The following PCDHGA3 variants were observed in gnomAD, a reference collection of about 807,000 sequenced individuals.
PCDHGA3 encodes the protein protocadherin gamma subfamily A, 3, also known as protocadherin gamma-A3.
A neutral mutation model predicts 58.5 loss-of-function variants in PCDHGA3; 40 were observed. The ratio of observed to expected loss-of-function variants is 0.68; its 90% CI spans 0.53 to 0.89. The LOEUF is 0.89. Among genes scored for constraint, PCDHGA3 ranks in the 40% least tolerant of loss-of-function variants. The probability of loss-of-function intolerance (pLI) is 0.00; values close to 1 mark genes in which losing one functional copy is unlikely to be tolerated. For synonymous variants in PCDHGA3, 530 were observed against 525.7 expected (o/e 1.01, Z -0.11); for missense variants, 1,223 against 1,195.9 (o/e 1.02, Z -0.33).
intron 1 of PCDHGA3, chr5:141,423,577 G>A (rs1348410879): frequency 6.2e-7 from 1 of 1,613,478 alleles, no homozygotes; most frequent in Non-Finnish European, 8.5e-7. Context: ...CATCAGCCAG[G>A]AGAGCTGTGA....
intron 1 of PCDHGA3, chr5:141,408,246 A>C: frequency 6.3e-7 from 1 of 1,590,754 alleles, no homozygotes; most frequent in Non-Finnish European, 8.6e-7. Flanking sequence ...GGCCCGCGGC[A>C]GGTGCTATTT....
chr5:141,344,402 T>G lies in PCDHGA3; in HGVS notation c.369T>G (p.Ile123Met). 3 of 1,611,464 alleles carry G rather than the reference T, an allele frequency of 1.9e-6. No individual in the cohort carries two copies. Among genetic ancestry groups the G allele is most frequent in the Non-Finnish European group, 2.5e-6 (3 of 1,178,700 alleles). The change falls in exon 1 of 4, where the codon ATT becomes ATG. Residue 123 changes from isoleucine to methionine, a missense_variant. Ile to Met is a conservative substitution (Grantham distance 10, BLOSUM62 1). This residue lies in a region of PCDHGA3 where 791 missense variants were observed against 708.5 expected (regional missense o/e 1.12). Coordinates refer to ENST00000253812, the MANE Select transcript of PCDHGA3 (RefSeq NM_018916.4). ...AAATTTTTGAAGTAGAAATAGAAAT[T>G]AAAGATATTAATGATAATGCTCCTA... ...KLKIFEVEIE[I>M]KDINDNAPNF...
rs764313049 is a variant in PCDHGA3, at chr5:141,418,041, T to G, written c.2424+71584T>G. 36 of 1,613,976 alleles carry G rather than the reference T, an allele frequency of 2.2e-5. No homozygotes were observed. In the Admixed American group the frequency reaches 2.3e-4, roughly 10 times the overall value. On this transcript the variant is annotated intron_variant, in intron 1 of 3. Coordinates refer to ENST00000253812, the MANE Select transcript of PCDHGA3 (RefSeq NM_018916.4). Reference sequence around the variant, plus strand: ...GATCTAGGGCTTAGTGTCCTGGATGTGTCGGCTCGCGAGCTGCGAGTGAGC... The same window carrying G: ...GATCTAGGGCTTAGTGTCCTGGATGGGTCGGCTCGCGAGCTGCGAGTGAGC...
chr5:141,494,996 C>A (rs2099758091), intron 2 of PCDHGA3, 131 bp downstream of exon 2: 2 of 1,539,742 alleles, frequency 1.3e-6, no homozygotes, highest in African/African-American at 1.4e-5. Context: ...CCAGGGAGGT[C>A]TTGGTGTGCG....
chr5:141,486,138 C>T lies in PCDHGA3; in HGVS notation c.2425-8669C>T. On this transcript the variant is annotated intron_variant, in intron 1 of 3. Transcript: ENST00000253812. This position sits in a 1 kb window ranked among gnomAD's most constrained non-coding sequence, Gnocchi z 5.0. ...AATTACTATGAATTTGATGTGCGGG[C>T]TCGCGATGGGGGTTCTCCAGCCATG... The T allele has an allele frequency of 6.2e-7, 1 of 1,614,212 alleles. No individual in the cohort carries two copies. The highest frequency in any genetic ancestry group is 1.3e-5 in the African/African-American group (1 of 75,052).
intron 1 of PCDHGA3, chr5:141,392,908 G>T: frequency 1.2e-6 from 2 of 1,613,852 alleles, no homozygotes; most frequent in African/African-American, 1.3e-5. Context: ...GGACAGATTC[G>T]CTACTCTGTG....
chr5:141,345,597 T>C lies in PCDHGA3; in HGVS notation c.1564T>C (p.Tyr522His), dbSNP rs769804193. ...GVLYALRSFD[Y>H]EQFRDLKLLV... is the part of the protein sequence containing the mutation. ...CCTATACGCGCTGAGATCCTTCGAC[T>C]ACGAGCAATTTAGAGACTTAAAGCT... The change falls in exon 1 of 4, where the codon TAC becomes CAC. Residue 522 changes from tyrosine to histidine, a missense_variant. By Grantham distance (83) the Tyr-to-His change is moderately conservative. Coordinates refer to ENST00000253812, the MANE Select transcript of PCDHGA3 (RefSeq NM_018916.4). The C allele has an allele frequency of 1.8e-5, 29 of 1,614,076 alleles. No homozygotes were observed. The highest frequency in any genetic ancestry group is 2.4e-5 in the Non-Finnish European group (28 of 1,180,052).
intron 1 of PCDHGA3, chr5:141,362,464 G>T: frequency 1.9e-6 from 3 of 1,614,038 alleles, no homozygotes; most frequent in Middle Eastern, 3.3e-4. Context: ...ATTGGTTCCC[G>T]CGCAAGATCT....
chr5:141,509,830 T>A (rs1328716142), intron 3 of PCDHGA3, among the ~76,000 whole-genome samples: 1 of 152,204 alleles, frequency 6.6e-6, no homozygotes, highest in African/African-American at 2.4e-5. Flanking sequence ...ATCTTCTCTC[T>A]ACCTCCCATT....
At chr5:141,481,844 G>A (rs552753850) in intron 1 of PCDHGA3, among the ~76,000 whole-genome samples, 7 of 151,350 alleles carry the variant, frequency 4.6e-5, no homozygotes, top group Admixed American at 1.3e-4. Context: ...TCGCTTGATG[G>A]TGGAGGTTGC....
rs1394234849 is a variant in PCDHGA3 at position 141,415,739 on chromosome 5, GGTTT to G, written c.2424+69283_2424+69286del. The G allele has an allele frequency of 1.9e-3, 837 of 434,806 alleles. 9 individuals are homozygous for G. In the African/African-American group the frequency reaches 0.026, roughly 14 times the overall value. The allele number at this position is 434,806 out of a possible 1,614,324, so 26.9% of individuals were successfully genotyped here. A position where few individuals can be genotyped will look rare whatever the true frequency, so the allele number is the denominator to read the frequency against. On this transcript the variant is annotated intron_variant, in intron 1 of 3. Coordinates refer to ENST00000253812, the MANE Select transcript of PCDHGA3 (RefSeq NM_018916.4). ...ATGAGTAGAATTTGATGTTTATTAAGGTTTTTTTTTTTTTTTTTTTTTTTTTTTT... is the reference window on the plus strand; with the variant it reads ...ATGAGTAGAATTTGATGTTTATTAAGTTTTTTTTTTTTTTTTTTTTTTTTT...
At chr5:141,494,755 C>T (rs1246224213) in intron 1 of PCDHGA3, 52 bp from the exon 2 acceptor site, 18 of 1,613,724 alleles carry the variant, frequency 1.1e-5, no homozygotes, top group African/African-American at 1.3e-5. Context: ...GCTCGGGTGA[C>T]ATTCTAACTT....
intron 1 of PCDHGA3, among the ~76,000 whole-genome samples, chr5:141,381,166 C>A (rs1402987548): frequency 6.6e-6 from 1 of 152,204 alleles, no homozygotes; most frequent in Non-Finnish European, 1.5e-5. Context: ...ACTTAGGAGC[C>A]TCCCACAAAA....
Position 141,489,652 on chromosome 5 carries a change from C to T in PCDHGA3, c.2425-5155C>T, listed in dbSNP as rs767143028. The T allele has an allele frequency of 3.1e-6, 5 of 1,614,024 alleles. No individual in the cohort carries two copies. Among genetic ancestry groups the T allele is most frequent in the Non-Finnish European group, 4.2e-6 (5 of 1,180,026 alleles). ...CTCTCCTAGCTTTGCCACCCCTGAG[C>T]GAGAGATGCGCATCTCAGAATCAGC... On this transcript the variant is annotated intron_variant, in intron 1 of 3. Coordinates refer to ENST00000253812, the MANE Select transcript of PCDHGA3 (RefSeq NM_018916.4). The surrounding 1 kb of genome is among the most constrained non-coding windows in gnomAD (Gnocchi z 4.5).
chr5:141,408,302 C>T (rs1017556555), intron 1 of PCDHGA3: 1 of 1,613,780 alleles, frequency 6.2e-7, no homozygotes, highest in Non-Finnish European at 8.5e-7. Context: ...TGAGCCGATC[C>T]GCTACTCGAT....
rs535871341 is a variant in PCDHGA3 at position 141,382,152 on chromosome 5, A to G, written c.2424+35695A>G. Among the ~76,000 whole-genome samples, 62 of 152,216 alleles carry G rather than the reference A, an allele frequency of 4.1e-4. 1 individual carries two copies. Among genetic ancestry groups the G allele is most frequent in the African/African-American group, 1.4e-3 (59 of 41,532 alleles). The stretch of plus-strand genomic sequence containing the variant: ...CCCCCCTCTCATTTTTTAAACGGTT[A>G]AAATGAAGGTGTTAGACCGTCTCTA... On this transcript the variant is annotated intron_variant, in intron 1 of 3. Transcript: ENST00000253812.
chr5:141,408,661 G>A (rs1462103250), intron 1 of PCDHGA3: 1 of 1,613,770 alleles, frequency 6.2e-7, no homozygotes, highest in Non-Finnish European at 8.5e-7. Context: ...CACGACTATC[G>A]CTTGACCCTG....
chr5:141,482,611 G>C (rs1016481108), intron 1 of PCDHGA3, among the ~76,000 whole-genome samples: 4 of 150,398 alleles, frequency 2.7e-5, no homozygotes, highest in Non-Finnish European at 5.9e-5. Context: ...ACACCTAAAT[G>C]AGCCTGGAGA....
chr5:141,413,090 C>T, intron 1 of PCDHGA3: 1 of 1,391,312 alleles, frequency 7.2e-7, no homozygotes, highest in South Asian at 1.4e-5. Flanking sequence ...ACAGAGACAC[C>T]CTGAAGCCAC....
Sources: gnomAD v4.1 joint callset for allele counts (sites outside exome capture counted in the v4.1 genomes callset) on GRCh38, gnomAD v4.1.1 for gene constraint, gnomAD v4.1.1 regional missense constraint, Gnocchi (gnomAD v3.1) non-coding constraint, MANE v1.5 for transcripts, NCBI Gene and HGNC (gene_info 2026-07-23, HGNC 2026-07-21) for gene names.